Variants in RANBP2 observed in about 807,000 individuals in gnomAD.
The protein encoded by RANBP2 is RAN binding protein 2, also known as E3 SUMO-protein ligase RanBP2.
A neutral mutation model predicts 303.6 loss-of-function variants in RANBP2; 57 were observed. The ratio of observed to expected loss-of-function variants is 0.19; its 90% confidence interval spans 0.15 to 0.23. RANBP2 has a LOEUF of 0.23. Ranked by LOEUF, RANBP2 falls within the 10% of genes least tolerant of loss-of-function variation. The pLI is 1.00. For synonymous variants in RANBP2, 1,167 were observed against 1,301.5 expected, an observed-to-expected ratio of 0.90 and a Z score of 2.23; for missense variants, 3,138 against 3,780.8, an observed-to-expected ratio of 0.83 and a Z score of 4.46.
the RANBP2 span, among the ~76,000 whole-genome samples, chr2:109,085,069 C>T: frequency 6.6e-6 from 1 of 152,286 alleles, no homozygotes; most frequent in Admixed American, 6.5e-5. Flanking sequence ...AACACGGGTC[C>T]ACCTCCTGGC....
At chr2:109,615,119 G>C in the RANBP2 span, 5 of 1,549,760 alleles carry the variant, frequency 3.2e-6, no homozygotes, top group African/African-American at 1.4e-5. Flanking sequence ...ACCTGGTGAT[G>C]GGCAGCTCCC....
chr2:109,481,398 GCCCACA>G, the RANBP2 span, among the ~76,000 whole-genome samples: 1 of 152,066 alleles, frequency 6.6e-6, no homozygotes, highest in African/African-American at 2.4e-5. Context: ...CAGCGTTCCT[GCCCACA>G]GGCCAGAGAC....
the RANBP2 span, among the ~76,000 whole-genome samples, chr2:109,013,118 C>A: frequency 6.6e-6 from 1 of 152,196 alleles, no homozygotes; most frequent in African/African-American, 2.4e-5. Context: ...ACAACACTGG[C>A]TCAGCCCAGT....
chr2:109,124,788 A>G, the RANBP2 span, among the ~76,000 whole-genome samples: 2 of 152,078 alleles, frequency 1.3e-5, no homozygotes, highest in Non-Finnish European at 2.9e-5. Flanking sequence ...TCTTGCCCCA[A>G]ATGAGTACGT....
At chr2:108,871,613 G>A in the RANBP2 span, among the ~76,000 whole-genome samples, 1 of 151,858 alleles carries the variant, frequency 6.6e-6, no homozygotes, top group Non-Finnish European at 1.5e-5. Flanking sequence ...CCCATTTTTT[G>A]TACATTGTTT....
the RANBP2 span, among the ~76,000 whole-genome samples, chr2:109,059,690 C>T: frequency 1.8e-4 from 27 of 152,210 alleles, 1 homozygote; most frequent in Non-Finnish European, 5.9e-5. Flanking sequence ...TGTGCCAGCC[C>T]CGGGACAGGG....
At chr2:109,175,929 T>C in the RANBP2 span, among the ~76,000 whole-genome samples, 1 of 152,230 alleles carries the variant, frequency 6.6e-6, no homozygotes, top group Non-Finnish European at 1.5e-5. Flanking sequence ...GAATATTTTA[T>C]AGTAATACTT....
chr2:109,321,808 A>G, the RANBP2 span, among the ~76,000 whole-genome samples: 1 of 152,214 alleles, frequency 6.6e-6, no homozygotes, highest in Non-Finnish European at 1.5e-5. Flanking sequence ...GATTGGTCAC[A>G]TTTTGACATC....
the RANBP2 span, among the ~76,000 whole-genome samples, chr2:109,131,836 T>G: frequency 6.6e-6 from 1 of 152,238 alleles, no homozygotes; most frequent in Non-Finnish European, 1.5e-5. Context: ...TTTGTGTTTT[T>G]GGGATGTTTC....
At chr2:109,584,429 C>T in the RANBP2 span, among the ~76,000 whole-genome samples, 1 of 126,534 alleles carries the variant, frequency 7.9e-6, no homozygotes, top group East Asian at 2.4e-4. Flanking sequence ...GAGTCGAAAT[C>T]ATGCCACTGC....
chr2:109,120,605 T>C, the RANBP2 span, among the ~76,000 whole-genome samples: 4 of 138,810 alleles, frequency 2.9e-5, no homozygotes, highest in East Asian at 8.5e-4. Flanking sequence ...AAGGCCTCCA[T>C]GTGGTGAGCC....
the RANBP2 span, among the ~76,000 whole-genome samples, chr2:109,682,412 A>T: frequency 9.9e-5 from 15 of 152,238 alleles, no homozygotes; most frequent in African/African-American, 3.6e-4. Context: ...CTGCCTCTCC[A>T]GAAAGGGCGG....
chr2:109,611,827 ACCACC>A, the RANBP2 span, among the ~76,000 whole-genome samples: 2 of 152,156 alleles, frequency 1.3e-5, no homozygotes, highest in Admixed American at 1.3e-4. Context: ...AAATAAGGAC[ACCACC>A]AAATGCTGGT....
At chr2:108,863,118 A>G in the RANBP2 span, among the ~76,000 whole-genome samples, 5 of 152,150 alleles carry the variant, frequency 3.3e-5, no homozygotes, top group Admixed American at 1.3e-4. Flanking sequence ...ACTATTTTTC[A>G]TTGACAAGTT....
chr2:109,679,060 G>A, the RANBP2 span, among the ~76,000 whole-genome samples: 1 of 152,230 alleles, frequency 6.6e-6, no homozygotes. Context: ...TCTAACAAGT[G>A]TGTTTCCTCC....
At chr2:109,492,932 G>T in the RANBP2 span, among the ~76,000 whole-genome samples, 1 of 152,046 alleles carries the variant, frequency 6.6e-6, no homozygotes, top group South Asian at 2.1e-4. Flanking sequence ...CCCACAGGGA[G>T]AAGTGCCTTC....
chr2:108,872,424 C>T, the RANBP2 span, among the ~76,000 whole-genome samples: 1 of 152,122 alleles, frequency 6.6e-6, no homozygotes, highest in Admixed American at 6.6e-5. Context: ...GTTTGGTTAC[C>T]CTACTTTTAC....
chr2:109,212,051 G>T, the RANBP2 span, among the ~76,000 whole-genome samples: 414 of 152,344 alleles, frequency 2.7e-3, no homozygotes, highest in Non-Finnish European at 4.9e-3. Context: ...GGGCTTTGCG[G>T]AATTCCAGGG....
At chr2:108,940,972 C>G in the RANBP2 span, among the ~76,000 whole-genome samples, 1 of 152,194 alleles carries the variant, frequency 6.6e-6, no homozygotes, top group Non-Finnish European at 1.5e-5. Flanking sequence ...TGGCTTGATA[C>G]AGAGCCCATC....
Sources: gnomAD v4.1 joint callset for allele counts (sites outside exome capture counted in the v4.1 genomes callset) on GRCh38, gnomAD v4.1.1 for gene constraint, MANE v1.5 for transcripts, NCBI Gene and HGNC (gene_info 2026-07-23, HGNC 2026-07-21) for gene names.